The following RBFOX1 variants were observed in gnomAD, a reference collection of about 807,000 sequenced individuals.
RBFOX1 encodes RNA binding protein fox-1 homolog 1.
In RBFOX1, 8 loss-of-function variants were observed where a neutral mutation model predicts 57.7. The ratio of observed to expected loss-of-function variants is 0.14; its 90% CI spans 0.08 to 0.25. The LOEUF (loss-of-function observed/expected upper bound fraction) is 0.25, where lower values mean the gene tolerates loss of function less well. Ranked by LOEUF, RBFOX1 falls within the 10% of genes least tolerant of loss-of-function variation. The pLI is 1.00. For synonymous variants in RBFOX1, 326 were observed against 222.4 expected, an observed-to-expected ratio of 1.47 and a Z score of -4.15; for missense variants, 611 against 548.5, an observed-to-expected ratio of 1.11 and a Z score of -1.14.
At chr16:6,028,509 T>TAAAAAAAAAAAAAAAAAAAAAA (rs36218292) in intron 1 of RBFOX1, among the ~76,000 whole-genome samples, 1 of 104,520 alleles carries the variant, frequency 9.6e-6, no homozygotes, top group African/African-American at 3.5e-5. Context: ...CTGTCTCTGT[T>TAAAAAAAAAAAAAAAAAAAAAA]AAAAAAAAAA....
chr16:6,779,955 T>A (rs373496727), intron 3 of RBFOX1, among the ~76,000 whole-genome samples: 492 of 14,200 alleles, frequency 0.035, 3 homozygotes, highest in East Asian at 0.068. Context: ...ATTTATATAT[T>A]TATATATTTA....
At chr16:5,450,697 C>T (rs182465352) in intron 1 of RBFOX1, among the ~76,000 whole-genome samples, 72 of 152,280 alleles carry the variant, frequency 4.7e-4, no homozygotes, top group East Asian at 1.5e-3. Flanking sequence ...CCACCACCAC[C>T]GCTCCGTGCT....
intron 3 of RBFOX1, among the ~76,000 whole-genome samples, chr16:5,630,079 C>G (rs1381880405): frequency 6.6e-6 from 1 of 152,200 alleles, no homozygotes; most frequent in Non-Finnish European, 1.5e-5. Context: ...TTCCACCTAT[C>G]TTTATCCACT....
intron 3 of RBFOX1, among the ~76,000 whole-genome samples, chr16:5,701,358 A>G (rs372542246): frequency 6.6e-6 from 1 of 152,244 alleles, no homozygotes; most frequent in Non-Finnish European, 1.5e-5. Context: ...ATGTAGAGTT[A>G]AGGGACTTCT....
chr16:6,811,577 A>G (rs757246081), intron 3 of RBFOX1, among the ~76,000 whole-genome samples: 1 of 152,156 alleles, frequency 6.6e-6, no homozygotes, highest in Non-Finnish European at 1.5e-5. Flanking sequence ...AAGATTAGCA[A>G]CCTGGGTGCT....
At chr16:7,618,138 G>T (rs901961844) in intron 10 of RBFOX1, among the ~76,000 whole-genome samples, 2 of 152,126 alleles carry the variant, frequency 1.3e-5, no homozygotes, top group African/African-American at 4.8e-5. Flanking sequence ...CTAGAGAAAG[G>T]TTGCATAAGA....
At chr16:6,564,827 A>G (rs903990962) in intron 2 of RBFOX1, among the ~76,000 whole-genome samples, 10 of 152,144 alleles carry the variant, frequency 6.6e-5, no homozygotes, top group African/African-American at 2.2e-4. Context: ...TTCAGTCCTT[A>G]TTTAAAAATT....
intron 4 of RBFOX1, among the ~76,000 whole-genome samples, chr16:5,992,591 C>G (rs1446954362): frequency 6.6e-6 from 1 of 152,126 alleles, no homozygotes; most frequent in Non-Finnish European, 1.5e-5. Flanking sequence ...TTTGTGGTTG[C>G]TTCTCTAGGA....
intron 4 of RBFOX1, among the ~76,000 whole-genome samples, chr16:7,080,258 A>T (rs1329732952): frequency 6.6e-6 from 1 of 152,084 alleles, no homozygotes; most frequent in Non-Finnish European, 1.5e-5. Flanking sequence ...GTGGACAGGC[A>T]ATTTTAGGGA....
intron 4 of RBFOX1, among the ~76,000 whole-genome samples, chr16:7,415,426 A>G (rs78157406): frequency 0.016 from 2,423 of 152,322 alleles, 82 homozygotes; most frequent in African/African-American, 0.056. Flanking sequence ...CTTCAAGCTC[A>G]TGTAAGAGAT....
At chr16:6,812,205 G>C (rs977878733) in intron 3 of RBFOX1, among the ~76,000 whole-genome samples, 1 of 152,136 alleles carries the variant, frequency 6.6e-6, no homozygotes, top group South Asian at 2.1e-4. Flanking sequence ...CTGTTAGAAT[G>C]AATATCTGTG....
chr16:7,710,844 T>A lies in RBFOX1; in HGVS notation c.*99T>A, dbSNP rs1248638526. 9 of 827,258 alleles carry A rather than the reference T, an allele frequency of 1.1e-5. No individual in the cohort carries two copies. The highest frequency in any genetic ancestry group is 5.8e-5 in the South Asian group (1 of 17,240). The allele number at this position is 827,258 out of a possible 1,614,324, so 51.2% of individuals were successfully genotyped here. ...CAGTAGTACATCATTTTAGCAACTCTAAAAAAAAAAAAAATACAAATAAAA... is the reference window on the plus strand; with the variant it reads ...CAGTAGTACATCATTTTAGCAACTCAAAAAAAAAAAAAAATACAAATAAAA... On this transcript the variant is annotated 3_prime_UTR_variant, in exon 16 of 16. Transcript: ENST00000550418.
At chr16:5,256,097 G>T (rs1288335074) in intron 1 of RBFOX1, among the ~76,000 whole-genome samples, 1 of 152,160 alleles carries the variant, frequency 6.6e-6, no homozygotes, top group African/African-American at 2.4e-5. Flanking sequence ...AACCAGTAGT[G>T]ACATACAGGT....
chr16:6,573,101 A>G (rs1378632529), intron 2 of RBFOX1, among the ~76,000 whole-genome samples: 1 of 152,176 alleles, frequency 6.6e-6, no homozygotes, highest in Non-Finnish European at 1.5e-5. Context: ...CTCAGACCCT[A>G]GACCATGGGC....
At chr16:6,856,367 T>G (rs750786248) in intron 3 of RBFOX1, among the ~76,000 whole-genome samples, 15 of 152,130 alleles carry the variant, frequency 9.9e-5, no homozygotes, top group Admixed American at 5.2e-4. Context: ...GGATGATGAG[T>G]AGACTATGTC....
chr16:7,382,638 T>C (rs2097798774), intron 4 of RBFOX1, among the ~76,000 whole-genome samples: 1 of 152,228 alleles, frequency 6.6e-6, no homozygotes, highest in African/African-American at 2.4e-5. Flanking sequence ...GTGTTTTTCA[T>C]AGTTAAAAGG....
At chr16:6,772,634 G>C (rs901977320) in intron 3 of RBFOX1, among the ~76,000 whole-genome samples, 2 of 146,744 alleles carry the variant, frequency 1.4e-5, no homozygotes, top group African/African-American at 5.2e-5. Flanking sequence ...TGTGAGTGTG[G>C]GGTGCATTTG....
chr16:6,560,263 G>A (rs761696610), intron 2 of RBFOX1, among the ~76,000 whole-genome samples: 22 of 151,536 alleles, frequency 1.5e-4, no homozygotes, highest in Non-Finnish European at 2.8e-4. Context: ...TGATGCCTGA[G>A]CAAATTGTGT....
In RBFOX1 at chr16:6,530,841, G is replaced by C. The variant is rs186211588; in HGVS notation, c.-63-123762G>C. Among the ~76,000 whole-genome samples the C allele has an allele frequency of 4.0e-5, 6 of 151,818 alleles. No homozygotes were observed. In the East Asian group the frequency reaches 1.2e-3, roughly 30 times the overall value. ...CCCATGATTCAATTACCTTCCACCG[G>C]ATCCCTCCTACAACATGTGGGAATT... On this transcript the variant is annotated intron_variant, in intron 2 of 15. Transcript: ENST00000550418.
Sources: gnomAD v4.1 joint callset for allele counts (sites outside exome capture counted in the v4.1 genomes callset) on GRCh38, gnomAD v4.1.1 for gene constraint, MANE v1.5 for transcripts, NCBI Gene and HGNC (gene_info 2026-07-23, HGNC 2026-07-21) for gene names.